NR5A1: variants seen among roughly 807,000 people sequenced by gnomAD.
NR5A1 encodes the protein nuclear receptor subfamily 5 group A member 1.
Under a neutral mutation model 42.7 loss-of-function variants are expected in NR5A1, and 6 were observed. The observed-to-expected ratio is 0.14, with a 90% CI of 0.08 to 0.28. NR5A1 has a LOEUF of 0.28. NR5A1 is among the 10% of genes least tolerant of loss of function. NR5A1 has a pLI of 1.00. For synonymous variants in NR5A1, 274 were observed against 277.5 expected (o/e 0.99, Z 0.12); for missense variants, 442 against 626.4 (o/e 0.71, Z 3.14).
chr9:124,490,012 G>C (rs2131276346), intron 6 of NR5A1, among the ~76,000 whole-genome samples: 1 of 152,050 alleles, frequency 6.6e-6, no homozygotes, highest in South Asian at 2.1e-4. Flanking sequence ...TCTCTGGCAG[G>C]CATGCCCCTC....
In NR5A1 at chr9:124,482,551, T is replaced by C. The variant is rs1461648735; in HGVS notation, c.*207A>G. ...GCAGCAGGCAAGTGCCAGTGGCCAC[T>C]CCACCTCCGCCAGGCCCTGCCCAGC... On this transcript the variant is annotated 3_prime_UTR_variant, in exon 7 of 7. Coordinates refer to ENST00000373588, the MANE Select transcript of NR5A1 (RefSeq NM_004959.5). The C allele has an allele frequency of 6.1e-6, 4 of 653,624 alleles. No individual in the cohort carries two copies. The highest frequency in any genetic ancestry group is 1.0e-5 in the Non-Finnish European group (4 of 385,638). The allele number at this position is 653,624 out of a possible 1,614,324, so 40.5% of individuals were successfully genotyped here. A position where few individuals can be genotyped will look rare whatever the true frequency, so the allele number is the denominator to read the frequency against.
intron 6 of NR5A1, among the ~76,000 whole-genome samples, chr9:124,484,609 C>T (rs371917256): frequency 6.6e-5 from 10 of 151,888 alleles, no homozygotes; most frequent in African/African-American, 2.2e-4. Flanking sequence ...AAAAAATTAC[C>T]GAGGCATGGT....
In NR5A1 at chr9:124,482,392, A is replaced by G; in HGVS notation, c.*366T>C. The G allele has an allele frequency of 2.8e-6, 1 of 357,412 alleles. No individual in the cohort carries two copies. The highest frequency in any genetic ancestry group is 2.3e-5 in the South Asian group (1 of 43,000). 22.1% of individuals were successfully genotyped at this position (357,412 alleles called of 1,614,324 possible). On this transcript the variant is annotated 3_prime_UTR_variant, in exon 7 of 7. Transcript: ENST00000373588. Reference sequence around the variant, plus strand: ...GGAGGAAGGGATGACCTCTGATCCAAGGGACGTCGAGGCCCACCAGGGAAT... The same window carrying G: ...GGAGGAAGGGATGACCTCTGATCCAGGGGACGTCGAGGCCCACCAGGGAAT...
intron 4 of NR5A1, among the ~76,000 whole-genome samples, chr9:124,499,039 C>T (rs1179392114): frequency 6.6e-6 from 1 of 152,206 alleles, no homozygotes; most frequent in Non-Finnish European, 1.5e-5. Flanking sequence ...GTGGGGGCAA[C>T]GGGCCCTGCT....
rs533231833 is a variant in NR5A1 at position 124,496,464 on chromosome 9, C to T, written c.871-3315G>A. Among the ~76,000 whole-genome samples, 12 of 152,278 alleles carry T rather than the reference C, an allele frequency of 7.9e-5. No individual in the cohort carries two copies. The highest frequency in any genetic ancestry group is 6.2e-4 in the South Asian group (3 of 4,824). On this transcript the variant is annotated intron_variant, in intron 4 of 6. Coordinates refer to ENST00000373588, the MANE Select transcript of NR5A1 (RefSeq NM_004959.5). This position sits in a 1 kb window ranked among gnomAD's most constrained non-coding sequence, Gnocchi z 5.0. ...CACATCAGCCATCCACCCCTCCCAC[C>T]GGACCGCCACAAATCTTCCTGGAGC...
chr9:124,491,581 AG>A (rs942622113), intron 5 of NR5A1, among the ~76,000 whole-genome samples: 1 of 151,964 alleles, frequency 6.6e-6, no homozygotes. Flanking sequence ...GGGGTTGGGG[AG>A]GGCAGGCCTG....
At chr9:124,499,149 C>T (rs933078123) in intron 4 of NR5A1, among the ~76,000 whole-genome samples, 1 of 152,172 alleles carries the variant, frequency 6.6e-6, no homozygotes, top group Non-Finnish European at 1.5e-5. Context: ...CAGGGAGGGG[C>T]AGGCCTTGGT....
Position 124,493,167 on chromosome 9 carries a change from G to A in NR5A1, c.871-18C>T, listed in dbSNP as rs370794914. The A allele has an allele frequency of 2.5e-5, 40 of 1,607,338 alleles. No individual in the cohort carries two copies. Among genetic ancestry groups the A allele is most frequent in the African/African-American group, 8.0e-5 (6 of 74,856 alleles). On this transcript the variant is annotated intron_variant, in intron 4 of 6. Coordinates refer to ENST00000373588, the MANE Select transcript of NR5A1 (RefSeq NM_004959.5). ...TCGGCCACCTGGAAGGAAGAGGCAC[G>A]CGGGGGGCCGGGCTCCAGCCAGGGT...
rs754283428 is a variant in NR5A1 at position 124,491,073 on chromosome 9, G to C, written c.1138+8C>G. 2 of 1,576,024 alleles carry C rather than the reference G, an allele frequency of 1.3e-6. No individual in the cohort carries two copies. Among genetic ancestry groups the C allele is most frequent in the Admixed American group, 3.5e-5 (2 of 56,362 alleles). ...TCTCCACCTCTCTGTCACTGGAGCTGCACTCACCCAGGCTGAAGAGGATGA... is the reference window on the plus strand; with the variant it reads ...TCTCCACCTCTCTGTCACTGGAGCTCCACTCACCCAGGCTGAAGAGGATGA... On this transcript the variant is annotated splice_region_variant and intron_variant, in intron 6 of 6. Transcript: ENST00000373588.
Position 124,482,517 on chromosome 9 carries a change from G to T in NR5A1, c.*241C>A. 1 of 572,084 alleles carries T rather than the reference G, an allele frequency of 1.7e-6. No homozygotes were observed. Among genetic ancestry groups the T allele is most frequent in the Non-Finnish European group, 3.1e-6 (1 of 320,578 alleles). 35.4% of individuals were successfully genotyped at this position (572,084 alleles called of 1,614,324 possible). On this transcript the variant is annotated 3_prime_UTR_variant, in exon 7 of 7. Transcript: ENST00000373588. ...GGTGGTTAACAGCCACCTCCTTGGGGCACTCCAAGCAGCAGGCAAGTGCCA... is the reference window on the plus strand; with the variant it reads ...GGTGGTTAACAGCCACCTCCTTGGGTCACTCCAAGCAGCAGGCAAGTGCCA...
chr9:124,483,085 C>G (rs938172807), intron 6 of NR5A1, 80 bp from the exon 7 acceptor site: 1 of 1,604,408 alleles, frequency 6.2e-7, no homozygotes, highest in African/African-American at 1.3e-5. Context: ...ACCAGCATCA[C>G]CAATACCACC....
At chr9:124,483,583 C>T (rs1037917831) in intron 6 of NR5A1, among the ~76,000 whole-genome samples, 3 of 152,196 alleles carry the variant, frequency 2.0e-5, no homozygotes, top group Admixed American at 6.5e-5. Context: ...GCTCTCACCG[C>T]CGTCATGGCC....
intron 6 of NR5A1, among the ~76,000 whole-genome samples, chr9:124,490,375 A>T (rs1832288803): frequency 6.6e-6 from 1 of 152,076 alleles, no homozygotes; most frequent in African/African-American, 2.4e-5. Context: ...CCAGGGAGTG[A>T]GGGTGCAGAC....
intron 6 of NR5A1, among the ~76,000 whole-genome samples, chr9:124,484,679 G>A (rs1194622128): frequency 3.3e-5 from 5 of 152,106 alleles, no homozygotes; most frequent in Non-Finnish European, 5.9e-5. Context: ...AGGTGAACCC[G>A]GGAGGTGGTG....
chr9:124,503,467 C>A lies in NR5A1; in HGVS notation c.-15-57G>T. Reference sequence around the variant, plus strand: ...GCGGAGACCGGCAGCCTGGGGTCCCCGCGGCCGCCGCCCCAGCCGCTGTCG... The same window carrying A: ...GCGGAGACCGGCAGCCTGGGGTCCCAGCGGCCGCCGCCCCAGCCGCTGTCG... On this transcript the variant is annotated intron_variant, in intron 1 of 6. Transcript: ENST00000373588. The surrounding 1 kb of genome is among the most constrained non-coding windows in gnomAD (Gnocchi z 9.6). 2 of 1,421,530 alleles carry A rather than the reference C, an allele frequency of 1.4e-6. No homozygotes were observed. The highest frequency in any genetic ancestry group is 2.6e-5 in the East Asian group (1 of 38,824). The allele number at this position is 1,421,530 out of a possible 1,614,324, so 88.1% of individuals were successfully genotyped here.
intron 6 of NR5A1, 49 bp downstream of exon 6, chr9:124,491,032 C>CCCCCCCCCCCCGGGGGGGG: frequency 1.6e-6 from 2 of 1,258,248 alleles, no homozygotes; most frequent in Non-Finnish European, 2.2e-6. Flanking sequence ...CCCTCCCACC[C>CCCCCCCCCCCCGGGGGGGG]ACCCGCCTCT....
At chr9:124,485,309 C>T (rs923745750) in intron 6 of NR5A1, among the ~76,000 whole-genome samples, 1 of 152,156 alleles carries the variant, frequency 6.6e-6, no homozygotes, top group Non-Finnish European at 1.5e-5. Context: ...CCCCATCACC[C>T]CCAGCCCTGC....
intron 6 of NR5A1, among the ~76,000 whole-genome samples, chr9:124,490,667 C>A (rs893186097): frequency 2.6e-5 from 4 of 151,956 alleles, no homozygotes; most frequent in African/African-American, 9.7e-5. Context: ...TTGCTCACAG[C>A]GGTATTCCCA....
At position 124,500,389 on chromosome 9, in the gene NR5A1, G is replaced by A. The variant is rs1253324106; in HGVS notation, c.571C>T (p.Arg191Cys). Reference protein sequence around the residue: ...AGYLYPAFPGRAIKSEYPEPY... With the variant: ...AGYLYPAFPGCAIKSEYPEPY... ...TCCGGGTACTCAGACTTGATGGCAC[G>A]GCCAGGAAAGGCAGGGTAGAGGTAG... The change falls in exon 4 of 7, where the codon CGT becomes TGT. Residue 191 changes from arginine to cysteine, a missense_variant. Physicochemically the swap from Arg to Cys is radical, Grantham distance 180. Transcript: ENST00000373588. The surrounding 1 kb of genome is among the most constrained non-coding windows in gnomAD (Gnocchi z 6.9). 7.7e-6 allele frequency: 12 copies of A among 1,558,928 alleles called. No homozygotes were observed. Among genetic ancestry groups the A allele is most frequent in the Admixed American group, 1.9e-5 (1 of 51,762 alleles).
Sources: gnomAD v4.1 joint callset for allele counts (sites outside exome capture counted in the v4.1 genomes callset) on GRCh38, gnomAD v4.1.1 for gene constraint, Gnocchi (gnomAD v3.1) non-coding constraint, MANE v1.5 for transcripts, NCBI Gene and HGNC (gene_info 2026-07-23, HGNC 2026-07-21) for gene names.